Variants in ZCCHC4 observed in about 807,000 individuals in gnomAD.
ZCCHC4 encodes the protein zinc finger CCHC-type containing 4, also known as rRNA N(6)-adenosine-methyltransferase ZCCHC4.
In ZCCHC4, 54 loss-of-function variants were observed where a neutral mutation model predicts 67.7. The ratio of observed to expected loss-of-function variants is 0.80; its 90% confidence interval spans 0.64 to 1.00. The LOEUF is 1.00. ZCCHC4 is among the 50% of genes least tolerant of loss of function. ZCCHC4 has a pLI of 0.00. For synonymous variants in ZCCHC4, 198 were observed against 213.5 expected, an observed-to-expected ratio of 0.93 and a Z score of 0.63; for missense variants, 609 against 617.0, an observed-to-expected ratio of 0.99 and a Z score of 0.14.
intron 8 of ZCCHC4, among the ~76,000 whole-genome samples, chr4:25,354,736 G>T (rs1029869228): frequency 4.6e-5 from 7 of 151,830 alleles, no homozygotes; most frequent in African/African-American, 1.7e-4. Context: ...GGGCTGAAGC[G>T]AGCCTCTCAC....
intron 10 of ZCCHC4, among the ~76,000 whole-genome samples, chr4:25,363,592 A>G (rs188252289): frequency 6.6e-6 from 1 of 152,362 alleles, no homozygotes; most frequent in African/African-American, 2.4e-5. Context: ...CATTTATATA[A>G]ACATTAGAAA....
In ZCCHC4 at chr4:25,369,413, C is replaced by G; in HGVS notation, c.*249C>G. On this transcript the variant is annotated 3_prime_UTR_variant, in exon 13 of 13. Transcript: ENST00000302874. Reference sequence around the variant, plus strand: ...CATTTTTCCTCACTTTAAGTCTCTCCCAGTCACATTGTTCTATTTTTATGT... The same window carrying G: ...CATTTTTCCTCACTTTAAGTCTCTCGCAGTCACATTGTTCTATTTTTATGT... 1 of 461,862 alleles carries G rather than the reference C, an allele frequency of 2.2e-6. No individual in the cohort carries two copies. The highest frequency in any genetic ancestry group is 3.8e-6 in the Non-Finnish European group (1 of 264,220). 28.6% of individuals were successfully genotyped at this position (461,862 alleles called of 1,614,324 possible).
chr4:25,332,682 G>A (rs369747718), intron 3 of ZCCHC4, among the ~76,000 whole-genome samples: 58 of 152,322 alleles, frequency 3.8e-4, no homozygotes, highest in African/African-American at 1.3e-3. Context: ...AACTCCATCA[G>A]TACTGCTAAG....
Position 25,350,427 on chromosome 4 carries a change from AT to A in ZCCHC4, c.910+793del, listed in dbSNP as rs372079214. On this transcript the variant is annotated intron_variant, in intron 7 of 12. Transcript: ENST00000302874. ...AAACATGTGCCACCATGCCCACCTA[AT>A]TTTTTTTCCCCTGTATTTTTAGTAG... is the stretch of plus-strand genomic sequence containing the variant. Among the ~76,000 whole-genome samples the A allele has an allele frequency of 3.4e-3, 520 of 151,102 alleles. 1 individual carries two copies. Among genetic ancestry groups the A allele is most frequent in the African/African-American group, 0.012 (499 of 41,196 alleles).
rs540948974 is a variant in ZCCHC4, at chr4:25,328,894, T to G, written c.330-4289T>G. Among the ~76,000 whole-genome samples, 9 of 152,332 alleles carry G rather than the reference T, an allele frequency of 5.9e-5. No homozygotes were observed. The South Asian group carries it at 1.9e-3, about 32-fold the overall frequency. ...CACTGCATCTGGACTATCATTGATT[T>G]TAAATCATTCTGGCCAGGTGCAGTG... is the stretch of plus-strand genomic sequence containing the variant. On this transcript the variant is annotated intron_variant, in intron 3 of 12. Coordinates refer to ENST00000302874, the MANE Select transcript of ZCCHC4 (RefSeq NM_024936.3).
chr4:25,330,921 G>A (rs893725335), intron 3 of ZCCHC4, among the ~76,000 whole-genome samples: 4 of 152,142 alleles, frequency 2.6e-5, no homozygotes, highest in Admixed American at 6.5e-5. Context: ...AGACTCGAGG[G>A]GAATTGTCAG....
chr4:25,316,703 C>G (rs1718282359), intron 3 of ZCCHC4, among the ~76,000 whole-genome samples: 1 of 152,080 alleles, frequency 6.6e-6, no homozygotes, highest in African/African-American at 2.4e-5. Context: ...TTTATATGTT[C>G]TGGATATTAC....
At chr4:25,346,533 TG>T (rs1443905512) in intron 6 of ZCCHC4, among the ~76,000 whole-genome samples, 1 of 152,154 alleles carries the variant, frequency 6.6e-6, no homozygotes, top group East Asian at 1.9e-4. Context: ...GATAGGAGGA[TG>T]AAAACCAAGC....
intron 8 of ZCCHC4, among the ~76,000 whole-genome samples, chr4:25,356,924 C>T (rs914264954): frequency 6.6e-6 from 1 of 152,084 alleles, no homozygotes; most frequent in Non-Finnish European, 1.5e-5. Context: ...AAACAGGTAA[C>T]GTAGGCTGAC....
intron 12 of ZCCHC4, 143 bp from the exon 13 acceptor site, chr4:25,368,886 G>C: frequency 9.8e-7 from 1 of 1,017,992 alleles, no homozygotes; most frequent in Non-Finnish European, 1.4e-6. Flanking sequence ...ATGGTTAGGA[G>C]ACTGAGGATT....
At chr4:25,326,786 T>C (rs75349483) in intron 3 of ZCCHC4, among the ~76,000 whole-genome samples, 520 of 152,306 alleles carry the variant, frequency 3.4e-3, no homozygotes, top group African/African-American at 0.011. Context: ...TTGGGGAGAA[T>C]TGACATCTTA....
At chr4:25,313,035 T>C (rs1718040626) in intron 1 of ZCCHC4, 99 bp downstream of exon 1, 1 of 1,516,104 alleles carries the variant, frequency 6.6e-7, no homozygotes, top group African/African-American at 1.4e-5. Flanking sequence ...CCCGCCTCTT[T>C]CCCTCACCAG....
chr4:25,340,263 T>A (rs1719672711), intron 5 of ZCCHC4, among the ~76,000 whole-genome samples: 1 of 152,124 alleles, frequency 6.6e-6, no homozygotes, highest in Non-Finnish European at 1.5e-5. Context: ...ACTGTTCTTT[T>A]CCCATTGAAT....
At position 25,361,880 on chromosome 4, in the gene ZCCHC4, C is replaced by T; in HGVS notation, c.1033C>T (p.Leu345Phe). The change falls in exon 9 of 13, where the codon CTT becomes TTT. Residue 345 changes from leucine (L) to phenylalanine (F), a missense_variant. By Grantham distance (22) the Leu-to-Phe change is conservative (BLOSUM62 0). Coordinates refer to ENST00000302874, the MANE Select transcript of ZCCHC4 (RefSeq NM_024936.3). ...DYQVDYDNHA[L>F]YKHGKTGRKQ... ...CTAGGTAGATTATGATAATCATGCA[C>T]TTTATAAACACGGAAAGACAGGTCG... 3.7e-6 allele frequency: 6 copies of T among 1,612,410 alleles called. No individual in the cohort carries two copies. The highest frequency in any genetic ancestry group is 5.1e-6 in the Non-Finnish European group (6 of 1,179,102).
intron 11 of ZCCHC4, 145 bp from the exon 12 acceptor site, chr4:25,364,877 G>C: frequency 1.8e-6 from 2 of 1,097,506 alleles, no homozygotes; most frequent in African/African-American, 3.2e-5. Flanking sequence ...CTTCTCCCTG[G>C]TCTCTTTAGC....
intron 5 of ZCCHC4, among the ~76,000 whole-genome samples, chr4:25,341,850 T>C (rs1719770399): frequency 6.6e-6 from 1 of 152,224 alleles, no homozygotes; most frequent in South Asian, 2.1e-4. Flanking sequence ...CTGATTTAAT[T>C]TGAAAGATTT....
chr4:25,354,395 A>G (rs934652760), intron 8 of ZCCHC4, among the ~76,000 whole-genome samples: 5 of 152,224 alleles, frequency 3.3e-5, no homozygotes. Context: ...AGTCTTCTCA[A>G]TAAAGAGAAA....
intron 3 of ZCCHC4, among the ~76,000 whole-genome samples, chr4:25,332,537 TA>T (rs1328417376): frequency 6.6e-6 from 1 of 151,914 alleles, no homozygotes; most frequent in Non-Finnish European, 1.5e-5. Flanking sequence ...CTAATAAAAT[TA>T]AAAAAGAAAG....
At chr4:25,357,022 G>T (rs1720546465) in intron 8 of ZCCHC4, among the ~76,000 whole-genome samples, 1 of 152,120 alleles carries the variant, frequency 6.6e-6, no homozygotes, top group Admixed American at 6.5e-5. Context: ...GAGGACTACA[G>T]CCTTAGAAAG....
Sources: allele counts gnomAD v4.1 joint callset (sites outside exome capture counted in the v4.1 genomes callset), GRCh38; gene constraint gnomAD v4.1.1; transcripts MANE v1.5; gene names NCBI Gene and HGNC (gene_info 2026-07-23, HGNC 2026-07-21).